RXYLT1: variants seen among roughly 807,000 people sequenced by gnomAD.
RXYLT1 encodes the protein ribitol xylosyltransferase 1, also known as ribitol-5-phosphate xylosyltransferase 1.
RXYLT1 carries 41 observed loss-of-function variants against 43.5 expected under a neutral mutation model. The ratio of observed to expected loss-of-function variants is 0.94; its 90% CI spans 0.73 to 1.22. The LOEUF (loss-of-function observed/expected upper bound fraction) is 1.22, where lower values mean the gene tolerates loss of function less well. Ranked by LOEUF, RXYLT1 falls within the 50% of genes most tolerant of loss-of-function variation. The pLI, the probability that RXYLT1 is intolerant of heterozygous loss-of-function variation, is 0.00. For synonymous variants in RXYLT1, 166 were observed against 194.4 expected, an observed-to-expected ratio of 0.85 and a Z score of 1.21; for missense variants, 514 against 532.0, an observed-to-expected ratio of 0.97 and a Z score of 0.33.
At position 63,780,567 on chromosome 12, in the gene RXYLT1, A is replaced by C; in HGVS notation, c.169+438A>C. 7.3e-6 allele frequency: 7 copies of C among 964,244 alleles called. 1 individual carries two copies. The South Asian group carries it at 3.2e-4, about 45-fold the overall frequency. 59.7% of individuals were successfully genotyped at this position (964,244 alleles called of 1,614,324 possible). A position where few individuals can be genotyped will look rare whatever the true frequency, so the allele number is the denominator to read the frequency against. ...TTCTGGTCCCCTGTCCTGTGTTTTA[A>C]CTTGTGTTAAGATCAGACTCGGCTT... On this transcript the variant is annotated intron_variant, in intron 1 of 5. Coordinates refer to ENST00000261234, the MANE Select transcript of RXYLT1 (RefSeq NM_014254.3).
Position 63,809,008 on chromosome 12 carries a change from G to T in RXYLT1, c.1248G>T (p.Gln416His), listed in dbSNP as rs1898386032. ...TTGAAAGAAGAAAAATGTTACTTCA[G>T]TGGTATCAGCACTTCAAGACAGAGC... Reference protein sequence around the residue: ...EKIERRKMLLQWYQHFKTELK... With the variant: ...EKIERRKMLLHWYQHFKTELK... The change falls in exon 6 of 6, where the codon CAG becomes CAT. Residue 416 changes from glutamine to histidine, a missense_variant. Gln to His is a conservative substitution (Grantham distance 24). Coordinates refer to ENST00000261234, the MANE Select transcript of RXYLT1 (RefSeq NM_014254.3). The T allele has an allele frequency of 6.2e-7, 1 of 1,610,800 alleles. No individual in the cohort carries two copies. The highest frequency in any genetic ancestry group is 2.2e-5 in the East Asian group (1 of 44,870).
At position 63,785,089 on chromosome 12, in the gene RXYLT1, T is replaced by A. The variant is rs752261610; in HGVS notation, c.428+17T>A. 6.4e-7 allele frequency: 1 copy of A among 1,573,208 alleles called. No individual in the cohort carries two copies. The highest frequency in any genetic ancestry group is 1.4e-5 in the African/African-American group (1 of 73,710). The stretch of plus-strand genomic sequence containing the variant: ...ACAGTACAGGTATTGGTTGTATTAG[T>A]TGTGCAACATTAACCTTTGATGTTT... On this transcript the variant is annotated intron_variant, in intron 3 of 5. Transcript: ENST00000261234.
rs768418644 is a variant in RXYLT1, at chr12:63,808,868, G to A, written c.1108G>A (p.Gly370Ser). ...GNCGNTSVHH[G>S]APLQLLKSMG... is the part of the protein sequence containing the mutation. ...CTGTGGGAATACATCTGTGCACCAC[G>A]GTGCTCCTCTGCAGTTACTCAAGTC... The change falls in exon 6 of 6, where the codon GGT (glycine) becomes AGT (serine). Residue 370 changes from glycine (G) to serine (S), a missense_variant. Gly to Ser is a moderately conservative substitution (Grantham distance 56). Coordinates refer to ENST00000261234, the MANE Select transcript of RXYLT1 (RefSeq NM_014254.3). 9.9e-6 allele frequency: 16 copies of A among 1,613,948 alleles called. No individual in the cohort carries two copies. The highest frequency in any genetic ancestry group is 1.3e-5 in the African/African-American group (1 of 74,882).
intron 4 of RXYLT1, 85 bp from the exon 5 acceptor site, chr12:63,805,149 C>G: frequency 9.5e-7 from 1 of 1,050,638 alleles, no homozygotes. Context: ...CTTCTGTATA[C>G]TTCTTGCTAC....
rs201727807 is a variant in RXYLT1 at position 63,802,257 on chromosome 12, G to A, written c.595G>A (p.Val199Ile). The change falls in exon 4 of 6, where the codon GTT (valine) becomes ATT (isoleucine). Residue 199 changes from valine (V) to isoleucine (I), a missense_variant. By Grantham distance (29) the Val-to-Ile change is conservative (BLOSUM62 3). Coordinates refer to ENST00000261234, the MANE Select transcript of RXYLT1 (RefSeq NM_014254.3). ...QIQKLQHLAVVLLGNEHCDNE... is the reference protein window; with the variant it reads ...QIQKLQHLAVILLGNEHCDNE... ...TCAAAAACTCCAGCATCTTGCTGTT[G>A]TTTTGCTCGGAAATGAACATTGTGA... is the stretch of plus-strand genomic sequence containing the variant. 5.0e-6 allele frequency: 8 copies of A among 1,614,076 alleles called. No individual in the cohort carries two copies. In the East Asian group the frequency reaches 8.9e-5, roughly 18 times the overall value.
intron 1 of RXYLT1, 116 bp from the exon 2 acceptor site, chr12:63,780,903 C>A (rs1339038592): frequency 3.3e-6 from 3 of 906,210 alleles, no homozygotes; most frequent in East Asian, 3.0e-5. Context: ...AGTTGCTGTA[C>A]CTCTCAGAAA....
intron 3 of RXYLT1, among the ~76,000 whole-genome samples, chr12:63,794,901 T>C (rs1275028285): frequency 6.6e-6 from 1 of 152,226 alleles, no homozygotes; most frequent in African/African-American, 2.4e-5. Context: ...CAAGATCTTA[T>C]GATAACCTCA....
At chr12:63,784,424 C>A (rs1050571013) in intron 2 of RXYLT1, among the ~76,000 whole-genome samples, 7 of 152,042 alleles carry the variant, frequency 4.6e-5, no homozygotes, top group African/African-American at 9.7e-5. Flanking sequence ...TCAGGGGCTG[C>A]CATAAGGAGA....
At chr12:63,796,895 A>G (rs1898044929) in intron 3 of RXYLT1, among the ~76,000 whole-genome samples, 1 of 151,830 alleles carries the variant, frequency 6.6e-6, no homozygotes, top group African/African-American at 2.4e-5. Flanking sequence ...GAAGAAATTG[A>G]GAAAATAAAA....
At chr12:63,793,396 G>A (rs1428462800) in intron 3 of RXYLT1, among the ~76,000 whole-genome samples, 1 of 152,050 alleles carries the variant, frequency 6.6e-6, no homozygotes, top group African/African-American at 2.4e-5. Flanking sequence ...GTATACACTT[G>A]AAGGGTTCTC....
In RXYLT1 at chr12:63,802,408, A is replaced by C. The variant is rs1320381338; in HGVS notation, c.743+3A>C. ...CAGTGGCCTTTAGGAGTAGCAACGT[A>C]AGTACAAAATATGATTAAACATTTT... On this transcript the variant is annotated splice_donor_region_variant and intron_variant, in intron 4 of 5. Transcript: ENST00000261234. 1 of 1,558,622 alleles carries C rather than the reference A, an allele frequency of 6.4e-7. No homozygotes were observed. The highest frequency in any genetic ancestry group is 8.7e-7 in the Non-Finnish European group (1 of 1,152,160).
Position 63,806,762 on chromosome 12 carries a change from A to C in RXYLT1, c.914+1358A>C, listed in dbSNP as rs148581964. The C allele has an allele frequency of 8.9e-4, 135 of 152,398 alleles. 1 individual carries two copies. The highest frequency in any genetic ancestry group is 3.4e-3 in the Middle Eastern group (1 of 294). The allele number at this position is 152,398 out of a possible 1,614,324, so 9.4% of individuals were successfully genotyped here. The stretch of plus-strand genomic sequence containing the variant: ...TCCCAATTTTGAAACTCATGTCAGC[A>C]GACAAAACCATCCATCACCCTTACT... On this transcript the variant is annotated intron_variant, in intron 5 of 5. Coordinates refer to ENST00000261234, the MANE Select transcript of RXYLT1 (RefSeq NM_014254.3).
Position 63,809,283 on chromosome 12 carries a change from T to G in RXYLT1, c.*191T>G, listed in dbSNP as rs1898396379. On this transcript the variant is annotated 3_prime_UTR_variant, in exon 6 of 6. Coordinates refer to ENST00000261234, the MANE Select transcript of RXYLT1 (RefSeq NM_014254.3). ...TGATAGTGGTCCCATAAGATTATAATGGAGCTGAAAAATTTCTATCGCCTA... is the reference window on the plus strand; with the variant it reads ...TGATAGTGGTCCCATAAGATTATAAGGGAGCTGAAAAATTTCTATCGCCTA... 2.1e-6 allele frequency: 1 copy of G among 476,198 alleles called. No homozygotes were observed. Among genetic ancestry groups the G allele is most frequent in the Non-Finnish European group, 3.6e-6 (1 of 275,118 alleles). The allele number at this position is 476,198 out of a possible 1,614,324, so 29.5% of individuals were successfully genotyped here.
At chr12:63,781,317 C>T (rs1186496287) in intron 2 of RXYLT1, 143 bp downstream of exon 2, 1 of 796,402 alleles carries the variant, frequency 1.3e-6, no homozygotes, top group East Asian at 3.1e-5. Context: ...GTCAATAATT[C>T]CTTTCTCCTT....
At chr12:63,803,938 C>G (rs1199238971) in intron 4 of RXYLT1, 1 of 151,034 alleles carries the variant, frequency 6.6e-6, no homozygotes, top group Admixed American at 6.6e-5. Context: ...TCTGCAACCT[C>G]TGCCTCCCAG....
intron 4 of RXYLT1, chr12:63,804,374 C>T (rs552931798): frequency 2.6e-5 from 4 of 152,274 alleles, no homozygotes; most frequent in African/African-American, 4.8e-5. Flanking sequence ...ATTTCAGGTA[C>T]ACAGTTTAAT....
chr12:63,799,146 T>G (rs1394934712), intron 3 of RXYLT1, among the ~76,000 whole-genome samples: 2 of 152,164 alleles, frequency 1.3e-5, no homozygotes, highest in Non-Finnish European at 2.9e-5. Flanking sequence ...ACAGTATAAA[T>G]GTGCCCTTGA....
At chr12:63,803,670 T>G (rs947386200) in intron 4 of RXYLT1, 4 of 152,094 alleles carry the variant, frequency 2.6e-5, no homozygotes, top group African/African-American at 9.7e-5. Flanking sequence ...TTTAAGACCC[T>G]CTTAAAAATC....
At chr12:63,792,343 G>T (rs1286484755) in intron 3 of RXYLT1, among the ~76,000 whole-genome samples, 5 of 152,192 alleles carry the variant, frequency 3.3e-5, no homozygotes, top group Non-Finnish European at 5.9e-5. Flanking sequence ...ACAGAAGACA[G>T]CTGCTGAAAC....
Sources: gnomAD v4.1 joint callset for allele counts (sites outside exome capture counted in the v4.1 genomes callset) on GRCh38, gnomAD v4.1.1 for gene constraint, MANE v1.5 for transcripts, NCBI Gene and HGNC (gene_info 2026-07-23, HGNC 2026-07-21) for gene names.